ANKRD52: variants seen among roughly 807,000 people sequenced by gnomAD.
ANKRD52 encodes the protein ankyrin repeat domain 52.
In ANKRD52, 7 loss-of-function variants were observed where a neutral mutation model predicts 116.0. The observed-to-expected ratio is 0.06, with a 90% CI of 0.03 to 0.11. The LOEUF is 0.11. Ranked by LOEUF, ANKRD52 falls within the 10% of genes least tolerant of loss-of-function variation. ANKRD52 has a pLI of 1.00. For synonymous variants in ANKRD52, 528 were observed against 578.1 expected (o/e 0.91, Z 1.24); for missense variants, 839 against 1,408.6 (o/e 0.60, Z 6.47).
Position 56,243,434 on chromosome 12 carries a change from T to C in ANKRD52, c.2981-42A>G. 2.5e-6 allele frequency: 4 copies of C among 1,588,768 alleles called. No individual in the cohort carries two copies. The South Asian group carries it at 4.5e-5, about 18-fold the overall frequency. On this transcript the variant is annotated intron_variant, in intron 27 of 27. Transcript: ENST00000267116. The surrounding 1 kb of genome is among the most constrained non-coding windows in gnomAD (Gnocchi z 4.6). Reference sequence around the variant, plus strand: ...GAGAACTGAGGCATAGAGTCCTGTATCCTAGCCAGCCTCCCCCAAGCCCTG... The same window carrying C: ...GAGAACTGAGGCATAGAGTCCTGTACCCTAGCCAGCCTCCCCCAAGCCCTG...
chr12:56,246,361 C>A (rs762672211), intron 20 of ANKRD52, among the ~76,000 whole-genome samples: 1 of 152,108 alleles, frequency 6.6e-6, no homozygotes, highest in African/African-American at 2.4e-5. Flanking sequence ...TATTAGGGAC[C>A]CACATCTCCC....
Position 56,248,334 on chromosome 12 carries a change from A to G in ANKRD52, c.1777-110T>C. ...GAAGCTCAAGGTCTTAGTCCTTGAC[A>G]AGCTCCTTGGGCCCCTTAAGGCTTC... On this transcript the variant is annotated intron_variant, in intron 17 of 27. Coordinates refer to ENST00000267116, the MANE Select transcript of ANKRD52 (RefSeq NM_173595.4). This position sits in a 1 kb window ranked among gnomAD's most constrained non-coding sequence, Gnocchi z 5.1. The G allele has an allele frequency of 6.9e-7, 1 of 1,456,892 alleles. No individual in the cohort carries two copies. Among genetic ancestry groups the G allele is most frequent in the Non-Finnish European group, 9.5e-7 (1 of 1,054,208 alleles). The allele number at this position is 1,456,892 out of a possible 1,614,324, so 90.2% of individuals were successfully genotyped here. A position where few individuals can be genotyped will look rare whatever the true frequency, so the allele number is the denominator to read the frequency against.
Position 56,243,079 on chromosome 12 carries a change from A to G in ANKRD52, c.*63T>C. 3 of 1,485,936 alleles carry G rather than the reference A, an allele frequency of 2.0e-6. No homozygotes were observed. The highest frequency in any genetic ancestry group is 1.8e-6 in the Non-Finnish European group (2 of 1,118,082). 92.0% of individuals were successfully genotyped at this position (1,485,936 alleles called of 1,614,324 possible). A position where few individuals can be genotyped will look rare whatever the true frequency, so the allele number is the denominator to read the frequency against. Reference sequence around the variant, plus strand: ...CCTTTAAAGTGCCCTAAATGTTTAGACTTTTTCTAAATAAATAGAATTAGA... The same window carrying G: ...CCTTTAAAGTGCCCTAAATGTTTAGGCTTTTTCTAAATAAATAGAATTAGA... On this transcript the variant is annotated 3_prime_UTR_variant, in exon 28 of 28. Transcript: ENST00000267116. This position sits in a 1 kb window ranked among gnomAD's most constrained non-coding sequence, Gnocchi z 4.6.
rs572682092 is a variant in ANKRD52, at chr12:56,239,413, C to G, written c.*3729G>C. 1 of 152,164 alleles carries G rather than the reference C, an allele frequency of 6.6e-6. No individual in the cohort carries two copies. The highest frequency in any genetic ancestry group is 1.5e-5 in the Non-Finnish European group (1 of 68,050). 9.4% of individuals were successfully genotyped at this position (152,164 alleles called of 1,614,324 possible). A position where few individuals can be genotyped will look rare whatever the true frequency, so the allele number is the denominator to read the frequency against. On this transcript the variant is annotated 3_prime_UTR_variant, in exon 28 of 28. Transcript: ENST00000267116. ...CTTAAAAGGTAGGGTTCAAACTAGG[C>G]GGGATGGGGGCCCATACTGGTTTGC...
At chr12:56,257,782 G>A in intron 2 of ANKRD52, 46 bp downstream of exon 2, 2 of 1,590,908 alleles carry the variant, frequency 1.3e-6, no homozygotes, top group Non-Finnish European at 1.7e-6. Flanking sequence ...TCCAGAACAC[G>A]GGAGCCAGGA....
chr12:56,248,306 T>C lies in ANKRD52; in HGVS notation c.1777-82A>G. 6.5e-7 allele frequency: 1 copy of C among 1,545,008 alleles called. No homozygotes were observed. Among genetic ancestry groups the C allele is most frequent in the Non-Finnish European group, 8.9e-7 (1 of 1,126,254 alleles). The stretch of plus-strand genomic sequence containing the variant: ...TCCCCTTCTCTGCTCTTGGGGTCCC[T>C]GGGAAGCTCAAGGTCTTAGTCCTTG... On this transcript the variant is annotated intron_variant, in intron 17 of 27. Transcript: ENST00000267116. This position sits in a 1 kb window ranked among gnomAD's most constrained non-coding sequence, Gnocchi z 5.1.
intron 15 of ANKRD52, among the ~76,000 whole-genome samples, chr12:56,249,086 C>T (rs1871562597): frequency 6.6e-6 from 1 of 152,226 alleles, no homozygotes; most frequent in Non-Finnish European, 1.5e-5. Context: ...CCTCTGGCTT[C>T]AATGCCCTCC....
intron 15 of ANKRD52, 146 bp downstream of exon 15, chr12:56,251,869 A>T (rs186529739): frequency 1.2e-6 from 1 of 825,738 alleles, no homozygotes; most frequent in Admixed American, 2.9e-5. Context: ...TATGGACTAC[A>T]CCCAGAGGGC....
At position 56,248,323 on chromosome 12, in the gene ANKRD52, TA is replaced by T; in HGVS notation, c.1777-100del. The T allele has an allele frequency of 1.4e-5, 21 of 1,486,412 alleles. No homozygotes were observed. The highest frequency in any genetic ancestry group is 1.9e-5 in the Non-Finnish European group (20 of 1,077,042). 92.1% of individuals were successfully genotyped at this position (1,486,412 alleles called of 1,614,324 possible). ...GGGGTCCCTGGGAAGCTCAAGGTCT[TA>T]GTCCTTGACAAGCTCCTTGGGCCCC... On this transcript the variant is annotated intron_variant, in intron 17 of 27. Coordinates refer to ENST00000267116, the MANE Select transcript of ANKRD52 (RefSeq NM_173595.4). The surrounding 1 kb of genome is among the most constrained non-coding windows in gnomAD (Gnocchi z 5.1).
chr12:56,253,108 C>T lies in ANKRD52; in HGVS notation c.1101-22G>A. The T allele has an allele frequency of 6.4e-7, 1 of 1,550,692 alleles. No homozygotes were observed. ...ACGCCTAGAGAGAAGTTGAGGGACT[C>T]AGTCCTTGGGTCAAGGAGGGACCAA... On this transcript the variant is annotated intron_variant, in intron 10 of 27. Coordinates refer to ENST00000267116, the MANE Select transcript of ANKRD52 (RefSeq NM_173595.4). The surrounding 1 kb of genome is among the most constrained non-coding windows in gnomAD (Gnocchi z 5.5).
Position 56,253,031 on chromosome 12 carries a change from C to T in ANKRD52, c.1156G>A (p.Asp386Asn). Reference sequence around the variant, plus strand: ...GAGGAAAGAAGCTTACGACAACAGTCAGAGAATCCAAAGAGAACAGCTAAG... The same window carrying T: ...GAGGAAAGAAGCTTACGACAACAGTTAGAGAATCCAAAGAGAACAGCTAAG... The part of the protein sequence containing the change: ...LHLAVLFGFS[D>N]CCRKLLSSGQ... Residue 386 changes from aspartate to asparagine, a missense_variant, in exon 11 of 28, where the codon GAC becomes AAC. This residue lies in a region of ANKRD52 where 287 missense variants were observed against 598.1 expected (regional missense o/e 0.48). Transcript: ENST00000267116. This position sits in a 1 kb window ranked among gnomAD's most constrained non-coding sequence, Gnocchi z 5.5. The T allele has an allele frequency of 1.3e-6, 2 of 1,586,614 alleles. No individual in the cohort carries two copies. Among genetic ancestry groups the T allele is most frequent in the Non-Finnish European group, 1.7e-6 (2 of 1,166,622 alleles).
rs1871517086 is a variant in ANKRD52, at chr12:56,248,306, T to G, written c.1777-82A>C. The G allele has an allele frequency of 6.5e-7, 1 of 1,544,890 alleles. No homozygotes were observed. Among genetic ancestry groups the G allele is most frequent in the Non-Finnish European group, 8.9e-7 (1 of 1,126,262 alleles). On this transcript the variant is annotated intron_variant, in intron 17 of 27. Transcript: ENST00000267116. This position sits in a 1 kb window ranked among gnomAD's most constrained non-coding sequence, Gnocchi z 5.1. ...TCCCCTTCTCTGCTCTTGGGGTCCC[T>G]GGGAAGCTCAAGGTCTTAGTCCTTG...
chr12:56,253,813 G>T lies in ANKRD52; in HGVS notation c.907-13C>A. On this transcript the variant is annotated splice_polypyrimidine_tract_variant and intron_variant, in intron 8 of 27. Coordinates refer to ENST00000267116, the MANE Select transcript of ANKRD52 (RefSeq NM_173595.4). The surrounding 1 kb of genome is among the most constrained non-coding windows in gnomAD (Gnocchi z 5.5). ...TCCCTTCTTTGCTCTGTGGAAACAT[G>T]GTGGGTTTTTGTTTTTGTTTTTTTT... The T allele has an allele frequency of 6.2e-7, 1 of 1,613,216 alleles. No homozygotes were observed. Among genetic ancestry groups the T allele is most frequent in the Non-Finnish European group, 8.5e-7 (1 of 1,179,582 alleles).
rs1221936863 is a variant in ANKRD52 at position 56,254,673 on chromosome 12, C to T, written c.598G>A (p.Gly200Ser). ...CCATAGCCCTTGCGGTCCTTGCAGC[C>T]GAGGTCTGCTCCCCGTGCCACCAGC... is the stretch of plus-strand genomic sequence containing the variant. The part of the protein sequence containing the change: ...KLLVARGADL[G>S]CKDRKGYGLL... Residue 200 changes from glycine to serine, a missense_variant, in exon 7 of 28, where the codon GGC becomes AGC. Gly to Ser is a moderately conservative substitution (Grantham distance 56). Coordinates refer to ENST00000267116, the MANE Select transcript of ANKRD52 (RefSeq NM_173595.4). This position sits in a 1 kb window ranked among gnomAD's most constrained non-coding sequence, Gnocchi z 4.6. 5.6e-6 allele frequency: 9 copies of T among 1,613,258 alleles called. No homozygotes were observed. Among genetic ancestry groups the T allele is most frequent in the South Asian group, 4.4e-5 (4 of 91,046 alleles).
chr12:56,250,214 A>T (rs1379588687), intron 15 of ANKRD52, among the ~76,000 whole-genome samples: 7 of 151,066 alleles, frequency 4.6e-5, no homozygotes, highest in African/African-American at 1.5e-4. Context: ...TAAATAAATT[A>T]ATTAATTTAT....
chr12:56,245,665 C>A, intron 20 of ANKRD52, 69 bp from the exon 21 acceptor site: 1 of 1,359,540 alleles, frequency 7.4e-7, no homozygotes, highest in Non-Finnish European at 1.0e-6. Flanking sequence ...TTGCTGGAGT[C>A]TGGCTCAGGA....
chr12:56,245,160 T>C lies in ANKRD52; in HGVS notation c.2435A>G (p.Glu812Gly). 6.2e-7 allele frequency: 1 copy of C among 1,613,898 alleles called. No homozygotes were observed. The highest frequency in any genetic ancestry group is 8.5e-7 in the Non-Finnish European group (1 of 1,179,882). Residue 812 changes from glutamate to glycine, a missense_variant, in exon 22 of 28, where the codon GAA becomes GGA. Coordinates refer to ENST00000267116, the MANE Select transcript of ANKRD52 (RefSeq NM_173595.4). ...TTCCAGGTACGAAAACGGGCTGTGTTCAAGTAACAACTCCAGACAATCTTC... is the reference window on the plus strand; with the variant it reads ...TTCCAGGTACGAAAACGGGCTGTGTCCAAGTAACAACTCCAGACAATCTTC... ...GHEDCLELLL[E>G]HSPFSYLEGN...
chr12:56,248,260 G>C lies in ANKRD52; in HGVS notation c.1777-36C>G. On this transcript the variant is annotated intron_variant, in intron 17 of 27. Coordinates refer to ENST00000267116, the MANE Select transcript of ANKRD52 (RefSeq NM_173595.4). The surrounding 1 kb of genome is among the most constrained non-coding windows in gnomAD (Gnocchi z 5.1). ...GCAGGCAACCAGTGCACACAGCTCG[G>C]GACCTTCCCTGCTCCTCCCTTCCCC... The C allele has an allele frequency of 6.2e-7, 1 of 1,606,606 alleles. No individual in the cohort carries two copies. The highest frequency in any genetic ancestry group is 1.7e-4 in the Middle Eastern group (1 of 6,044).
chr12:56,253,454 A>G lies in ANKRD52; in HGVS notation c.986-52T>C. ...TCAGGCAGACCTCAGGCTTAAGACC[A>G]CTTTCGCGAGCTAGCCATGATTTGA... On this transcript the variant is annotated intron_variant, in intron 9 of 27. Transcript: ENST00000267116. This position sits in a 1 kb window ranked among gnomAD's most constrained non-coding sequence, Gnocchi z 5.5. The G allele has an allele frequency of 7.0e-7, 1 of 1,419,380 alleles. No individual in the cohort carries two copies. The highest frequency in any genetic ancestry group is 9.9e-7 in the Non-Finnish European group (1 of 1,009,910). The allele number at this position is 1,419,380 out of a possible 1,614,324, so 87.9% of individuals were successfully genotyped here.
Sources: allele counts gnomAD v4.1 joint callset (sites outside exome capture counted in the v4.1 genomes callset), GRCh38; gene constraint gnomAD v4.1.1; regional missense constraint gnomAD v4.1.1; non-coding constraint Gnocchi (gnomAD v3.1); transcripts MANE v1.5; gene names NCBI Gene and HGNC (gene_info 2026-07-23, HGNC 2026-07-21).